Variants in DLG2 observed in about 807,000 individuals in gnomAD.
DLG2 encodes disks large homolog 2.
Under a neutral mutation model 132.5 loss-of-function variants are expected in DLG2, and 45 were observed. The ratio of observed to expected loss-of-function variants is 0.34; its 90% CI spans 0.27 to 0.44. The LOEUF (loss-of-function observed/expected upper bound fraction) is 0.44, where lower values mean the gene tolerates loss of function less well. Among genes scored for constraint, DLG2 ranks in the 20% least tolerant of loss-of-function variants. The probability of loss-of-function intolerance (pLI) is 1.00; values close to 1 mark genes in which losing one functional copy is unlikely to be tolerated. For missense variants in DLG2, 1,045 were observed against 1,196.9 expected, an observed-to-expected ratio of 0.87 and a Z score of 1.87; for synonymous variants, 424 against 419.6, an observed-to-expected ratio of 1.01 and a Z score of -0.13.
At chr11:83,593,376 C>T (rs934684179) in intron 19 of DLG2, among the ~76,000 whole-genome samples, 1 of 151,416 alleles carries the variant, frequency 6.6e-6, no homozygotes, top group African/African-American at 2.4e-5. Flanking sequence ...TCATCATTCT[C>T]AGTAAACTAT....
intron 19 of DLG2, among the ~76,000 whole-genome samples, chr11:83,623,880 T>G (rs1402287699): frequency 6.6e-6 from 1 of 152,072 alleles, no homozygotes; most frequent in Non-Finnish European, 1.5e-5. Flanking sequence ...CCTATCCTCC[T>G]GTGAGCATTC....
chr11:84,753,879 T>C (rs978891973), intron 6 of DLG2, among the ~76,000 whole-genome samples: 1 of 152,046 alleles, frequency 6.6e-6, no homozygotes, highest in Non-Finnish European at 1.5e-5. Context: ...TAGAGACAAG[T>C]GAAGAAAGTT....
Position 85,619,722 on chromosome 11 carries a change from T to C in DLG2, c.-93+6865A>G, listed in dbSNP as rs552817497. Among the ~76,000 whole-genome samples the C allele has an allele frequency of 5.9e-5, 9 of 152,018 alleles. No homozygotes were observed. The East Asian group carries it at 1.7e-3, about 29-fold the overall frequency. ...AGTGGCAGGCGCCTGTAATCCCAGCTACTCGGCAGGCTGAGCCAGGAGAAT... is the reference window on the plus strand; with the variant it reads ...AGTGGCAGGCGCCTGTAATCCCAGCCACTCGGCAGGCTGAGCCAGGAGAAT... On this transcript the variant is annotated intron_variant, in intron 2 of 27. Coordinates refer to ENST00000376104, the MANE Select transcript of DLG2 (RefSeq NM_001142699.3).
chr11:84,616,480 A>T (rs1371372262), intron 6 of DLG2, among the ~76,000 whole-genome samples: 1 of 152,124 alleles, frequency 6.6e-6, no homozygotes, highest in Non-Finnish European at 1.5e-5. Context: ...GCATGACCGT[A>T]CAGTTTGGTG....
chr11:83,574,921 A>C (rs1165871332), intron 19 of DLG2, among the ~76,000 whole-genome samples: 1 of 152,174 alleles, frequency 6.6e-6, no homozygotes, highest in Non-Finnish European at 1.5e-5. Flanking sequence ...AAAACCCAAC[A>C]CATCTTACAA....
chr11:83,521,133 C>A (rs891874443), intron 21 of DLG2, among the ~76,000 whole-genome samples: 1 of 152,196 alleles, frequency 6.6e-6, no homozygotes, highest in African/African-American at 2.4e-5. Flanking sequence ...GAACTGTATA[C>A]TAAATAAATA....
At chr11:84,357,466 T>C (rs930975386) in intron 7 of DLG2, among the ~76,000 whole-genome samples, 1 of 152,134 alleles carries the variant, frequency 6.6e-6, no homozygotes, top group African/African-American at 2.4e-5. Flanking sequence ...CTCTCCTTCA[T>C]AGAACCTATC....
At chr11:84,962,660 T>C (rs1421222185) in intron 6 of DLG2, among the ~76,000 whole-genome samples, 1 of 152,154 alleles carries the variant, frequency 6.6e-6, no homozygotes, top group Non-Finnish European at 1.5e-5. Context: ...CAGGATGTGC[T>C]CACTAAATAT....
At chr11:83,802,203 A>G (rs2044605560) in intron 17 of DLG2, among the ~76,000 whole-genome samples, 2 of 152,126 alleles carry the variant, frequency 1.3e-5, no homozygotes, top group South Asian at 2.1e-4. Context: ...TGAAGCACCA[A>G]TATGTCTTAA....
intron 6 of DLG2, among the ~76,000 whole-genome samples, chr11:84,914,704 G>A (rs2092342980): frequency 6.6e-6 from 1 of 152,218 alleles, no homozygotes; most frequent in Admixed American, 6.5e-5. Context: ...GCACTGGCCT[G>A]TCCTAAGCAT....
At chr11:84,111,349 C>G (rs2093339823) in intron 9 of DLG2, among the ~76,000 whole-genome samples, 1 of 152,076 alleles carries the variant, frequency 6.6e-6, no homozygotes, top group African/African-American at 2.4e-5. Flanking sequence ...ATGCGAAGGC[C>G]CTTCCTTCTG....
At chr11:85,494,636 T>C (rs1351167267) in intron 3 of DLG2, among the ~76,000 whole-genome samples, 1 of 151,956 alleles carries the variant, frequency 6.6e-6, no homozygotes, top group African/African-American at 2.4e-5. Flanking sequence ...GAAAATGCCT[T>C]CCCTGTGTTT....
At chr11:85,145,720 A>AT (rs2076793813) in intron 5 of DLG2, among the ~76,000 whole-genome samples, 2 of 152,034 alleles carry the variant, frequency 1.3e-5, no homozygotes, top group Admixed American at 1.3e-4. Context: ...CTGGGATAAG[A>AT]TTTTGAATCC....
intron 20 of DLG2, among the ~76,000 whole-genome samples, chr11:83,536,914 T>A (rs952461632): frequency 2.0e-5 from 3 of 152,158 alleles, no homozygotes; most frequent in African/African-American, 7.2e-5. Context: ...CTAGCATCAC[T>A]TTTTCTTATT....
intron 6 of DLG2, among the ~76,000 whole-genome samples, chr11:84,712,830 T>C (rs1489605325): frequency 2.0e-5 from 3 of 152,116 alleles, no homozygotes; most frequent in Admixed American, 2.0e-4. Context: ...CTCACCTTGA[T>C]TTCCAAAACT....
rs1227146425 is a variant in DLG2, at chr11:84,730,049, C to T, written c.358-195318G>A. On this transcript the variant is annotated intron_variant, in intron 6 of 27. Coordinates refer to ENST00000376104, the MANE Select transcript of DLG2 (RefSeq NM_001142699.3). ...CCTTGTTTCCATTTTGAAAAAGCAA[C>T]TCCGAAACACTACCCTCTACACCAC... Among the ~76,000 whole-genome samples the T allele has an allele frequency of 2.6e-5, 4 of 152,094 alleles. No individual in the cohort carries two copies. The East Asian group carries it at 5.8e-4, about 22-fold the overall frequency.
chr11:83,722,806 G>A (rs984334769), intron 18 of DLG2, among the ~76,000 whole-genome samples: 2 of 152,204 alleles, frequency 1.3e-5, no homozygotes, highest in Non-Finnish European at 2.9e-5. Flanking sequence ...GAAATGCAAA[G>A]AAGCATCAGG....
At chr11:85,567,419 T>C (rs1398619248) in intron 3 of DLG2, among the ~76,000 whole-genome samples, 1 of 152,194 alleles carries the variant, frequency 6.6e-6, no homozygotes. Context: ...TTTGATGCTA[T>C]TGTAAATGAA....
chr11:84,912,708 A>G (rs1378663391), intron 6 of DLG2, among the ~76,000 whole-genome samples: 1 of 152,214 alleles, frequency 6.6e-6, no homozygotes, highest in East Asian at 1.9e-4. Context: ...CATCTCCTAT[A>G]TGGCGTGAGC....
Sources: gnomAD v4.1 joint callset for allele counts (sites outside exome capture counted in the v4.1 genomes callset) on GRCh38, gnomAD v4.1.1 for gene constraint, MANE v1.5 for transcripts, NCBI Gene and HGNC (gene_info 2026-07-23, HGNC 2026-07-21) for gene names.